Variants in DNAJC25 observed in about 807,000 individuals in gnomAD.
The protein encoded by DNAJC25 is dnaJ homolog subfamily C member 25.
In DNAJC25, 26 loss-of-function variants were observed where a neutral mutation model predicts 42.1. The ratio of observed to expected loss-of-function variants is 0.62; its 90% CI spans 0.45 to 0.86. The LOEUF is 0.86. Ranked by LOEUF, DNAJC25 falls within the 40% of genes least tolerant of loss-of-function variation. DNAJC25 has a pLI of 0.00. For synonymous variants in DNAJC25, 189 were observed against 179.9 expected (o/e 1.05, Z -0.40); for missense variants, 404 against 459.4 (o/e 0.88, Z 1.10).
chr9:111,640,890 G>A (rs1209042673), intron 1 of DNAJC25, among the ~76,000 whole-genome samples: 1 of 104,966 alleles, frequency 9.5e-6, no homozygotes, highest in Non-Finnish European at 1.8e-5. Context: ...GAGGTGGGGG[G>A]TCAGCCCCCC....
rs764619002 is a variant in DNAJC25, at chr9:111,652,133, G to A, written c.961-967G>A. On this transcript the variant is annotated intron_variant, in intron 3 of 3. Coordinates refer to ENST00000313525, the MANE Select transcript of DNAJC25 (RefSeq NM_001015882.3). The stretch of plus-strand genomic sequence containing the variant: ...AATATTAGACATTAGTTGTAGAGAG[G>A]AAATGTTAAGCCCTTTAAACTCAGT... 6.0e-4 allele frequency among the ~76,000 whole-genome samples: 91 copies of A among 152,196 alleles called. 1 individual carries two copies. Among genetic ancestry groups the A allele is most frequent in the Middle Eastern group, 3.4e-3 (1 of 294 alleles).
intron 2 of DNAJC25, among the ~76,000 whole-genome samples, chr9:111,648,454 G>C (rs1830600770): frequency 6.6e-6 from 1 of 150,906 alleles, no homozygotes; most frequent in South Asian, 2.1e-4. Flanking sequence ...TTTTTTGGTA[G>C]AGACACGGTT....
chr9:111,648,429 T>A (rs1185781771), intron 2 of DNAJC25, among the ~76,000 whole-genome samples: 1 of 142,234 alleles, frequency 7.0e-6, no homozygotes, highest in Admixed American at 7.1e-5. Context: ...ACCTGGCTAA[T>A]TTTTGTATTT....
intron 1 of DNAJC25, among the ~76,000 whole-genome samples, chr9:111,638,399 TC>T (rs1830395806): frequency 6.6e-6 from 1 of 152,230 alleles, no homozygotes; most frequent in South Asian, 2.1e-4. Flanking sequence ...TTTCCAGTTT[TC>T]TACAAGTTAC....
chr9:111,643,215 C>G (rs1050027058), intron 1 of DNAJC25: 1 of 251,310 alleles, frequency 4.0e-6, no homozygotes, highest in Non-Finnish European at 8.1e-6. Flanking sequence ...CGCCACCCAT[C>G]CAGCCTTGCT....
chr9:111,638,661 TCTC>T (rs1325639602), intron 1 of DNAJC25, among the ~76,000 whole-genome samples: 7 of 152,184 alleles, frequency 4.6e-5, no homozygotes, highest in African/African-American at 1.7e-4. Flanking sequence ...ATGTTCAACA[TCTC>T]CTTTGATTCT....
At chr9:111,648,489 C>T (rs762590399) in intron 2 of DNAJC25, among the ~76,000 whole-genome samples, 8 of 151,538 alleles carry the variant, frequency 5.3e-5, no homozygotes, top group African/African-American at 1.9e-4. Flanking sequence ...AGGCTGGTCT[C>T]GAGCTCCTGG....
intron 1 of DNAJC25, among the ~76,000 whole-genome samples, chr9:111,639,765 G>A (rs1830418057): frequency 6.6e-6 from 1 of 151,518 alleles, no homozygotes; most frequent in African/African-American, 2.4e-5. Flanking sequence ...AGTGAATACA[G>A]TAATACATTT....
intron 1 of DNAJC25, among the ~76,000 whole-genome samples, chr9:111,641,141 C>T (rs1830453065): frequency 8.9e-6 from 1 of 112,132 alleles, no homozygotes; most frequent in African/African-American, 4.1e-5. Context: ...GGGTCAGCCC[C>T]CCCACCCGGC....
intron 2 of DNAJC25, among the ~76,000 whole-genome samples, 185 bp from the exon 3 acceptor site, chr9:111,649,268 G>C (rs1244429760): frequency 6.6e-6 from 1 of 152,112 alleles, no homozygotes; most frequent in East Asian, 1.9e-4. Flanking sequence ...CCAGCCTTCA[G>C]ATCCTGTGTA....
intron 1 of DNAJC25, among the ~76,000 whole-genome samples, chr9:111,641,774 G>A (rs1830474208): frequency 7.8e-6 from 1 of 127,728 alleles, no homozygotes; most frequent in African/African-American, 3.1e-5. Context: ...GAGCCCCTCT[G>A]CCCGGCCAGC....
intron 1 of DNAJC25, 40 bp downstream of exon 1, chr9:111,631,783 G>A: frequency 3.4e-6 from 5 of 1,476,786 alleles, no homozygotes; most frequent in Non-Finnish European, 4.5e-6. Context: ...AAGACTGGCC[G>A]CGGGAAGCCC....
intron 1 of DNAJC25, among the ~76,000 whole-genome samples, chr9:111,636,787 T>G (rs1322228416): frequency 6.6e-6 from 1 of 152,210 alleles, no homozygotes; most frequent in Non-Finnish European, 1.5e-5. Context: ...TTTCTGGGTT[T>G]AGTGGGAAAG....
rs1276869354 is a variant in DNAJC25, at chr9:111,647,166, C to T, written c.396C>T (p.Ser132=). The change falls in exon 2 of 4, where the codon AGC becomes AGT. Residue 132 remains serine, a synonymous_variant. Coordinates refer to ENST00000313525, the MANE Select transcript of DNAJC25 (RefSeq NM_001015882.3). ...YMLDHPEEYY[S]HYYHYYSRRL... ...TGGATCATCCAGAAGAGTACTACAG[C>T]CATTACTACCACTACTATAGCAGGC... is the stretch of plus-strand genomic sequence containing the variant. 2 of 1,614,120 alleles carry T rather than the reference C, an allele frequency of 1.2e-6. No homozygotes were observed. Among genetic ancestry groups the T allele is most frequent in the South Asian group, 1.1e-5 (1 of 91,082 alleles).
chr9:111,638,887 A>G (rs1348503723), intron 1 of DNAJC25, among the ~76,000 whole-genome samples: 1 of 151,614 alleles, frequency 6.6e-6, no homozygotes, highest in Non-Finnish European at 1.5e-5. Context: ...CAAGATCCTC[A>G]ACAGTCCTTA....
At chr9:111,652,033 T>G (rs1830668806) in intron 3 of DNAJC25, among the ~76,000 whole-genome samples, 1 of 152,160 alleles carries the variant, frequency 6.6e-6, no homozygotes, top group African/African-American at 2.4e-5. Context: ...TGTTCCTTGG[T>G]TAAGATCACC....
rs574628828 is a variant in DNAJC25, at chr9:111,639,460, G to A, written c.337-7647G>A. 1.7e-4 allele frequency among the ~76,000 whole-genome samples: 26 copies of A among 152,274 alleles called. No homozygotes were observed. In the South Asian group the frequency reaches 5.2e-3, roughly 30 times the overall value. Reference sequence around the variant, plus strand: ...AGAAAAACAGTTACAAGCATTACTAGTATGTAGGTAATATTCCAAATCATG... The same window carrying A: ...AGAAAAACAGTTACAAGCATTACTAATATGTAGGTAATATTCCAAATCATG... On this transcript the variant is annotated intron_variant, in intron 1 of 3. Transcript: ENST00000313525.
At chr9:111,635,215 G>C (rs543999099) in intron 1 of DNAJC25, among the ~76,000 whole-genome samples, 2 of 152,270 alleles carry the variant, frequency 1.3e-5, no homozygotes, top group South Asian at 4.1e-4. Flanking sequence ...GTACTGAGTA[G>C]GTCTCTCTTT....
intron 1 of DNAJC25, among the ~76,000 whole-genome samples, chr9:111,637,752 T>C (rs1830385288): frequency 6.6e-6 from 1 of 152,230 alleles, no homozygotes; most frequent in Non-Finnish European, 1.5e-5. Context: ...TCTTCATTTC[T>C]TCCTCCTCCT....
Sources: gnomAD v4.1 joint callset for allele counts (sites outside exome capture counted in the v4.1 genomes callset) on GRCh38, gnomAD v4.1.1 for gene constraint, MANE v1.5 for transcripts, NCBI Gene and HGNC (gene_info 2026-07-23, HGNC 2026-07-21) for gene names.